The following PIK3C2G variants were observed in gnomAD, a reference collection of about 807,000 sequenced individuals.
PIK3C2G encodes phosphatidylinositol-4-phosphate 3-kinase catalytic subunit type 2 gamma.
In PIK3C2G, 168 loss-of-function variants were observed where a neutral mutation model predicts 181.1. The ratio of observed to expected loss-of-function variants is 0.93; its 90% CI spans 0.82 to 1.05. The LOEUF is 1.05. Ranked by LOEUF, PIK3C2G falls within the 50% of genes least tolerant of loss-of-function variation. The pLI, the probability that PIK3C2G is intolerant of heterozygous loss-of-function variation, is 0.00. For missense variants in PIK3C2G, 1,869 were observed against 1,732.8 expected (o/e 1.08, Z -1.40); for synonymous variants, 573 against 592.2 (o/e 0.97, Z 0.47).
intron 12 of PIK3C2G, among the ~76,000 whole-genome samples, chr12:18,366,792 T>C: frequency 6.6e-6 from 1 of 151,996 alleles, no homozygotes; most frequent in East Asian, 1.9e-4. Context: ...TATTTTTTTT[T>C]CCTTTTTTGT....
intron 18 of PIK3C2G, among the ~76,000 whole-genome samples, chr12:18,442,442 A>C (rs769998128): frequency 2.0e-5 from 3 of 152,242 alleles, no homozygotes; most frequent in Non-Finnish European, 4.4e-5. Context: ...CAATAATGGC[A>C]TGATAATTAC....
chr12:18,626,940 C>G (rs1565576988), intron 31 of PIK3C2G, among the ~76,000 whole-genome samples: 1 of 152,128 alleles, frequency 6.6e-6, no homozygotes, highest in East Asian at 1.9e-4. Context: ...GGGAACTTAT[C>G]ATCCATTATT....
chr12:18,345,576 C>A (rs1022524282), intron 10 of PIK3C2G, among the ~76,000 whole-genome samples: 7 of 152,136 alleles, frequency 4.6e-5, no homozygotes, highest in African/African-American at 1.7e-4. Context: ...CCTGAAGCAT[C>A]CAACTGCCTG....
chr12:18,325,157 T>C, intron 8 of PIK3C2G, 59 bp downstream of exon 8: 1 of 966,744 alleles, frequency 1.0e-6, no homozygotes, highest in Non-Finnish European at 1.6e-6. Flanking sequence ...GCATCTACTA[T>C]TTTTCTAAAA....
chr12:18,262,406 C>T (rs1477288960), intron 1 of PIK3C2G, among the ~76,000 whole-genome samples: 1 of 152,114 alleles, frequency 6.6e-6, no homozygotes, highest in East Asian at 1.9e-4. Flanking sequence ...GGTTAAAGAA[C>T]ACATACCCCT....
chr12:18,473,908 T>C (rs1004226275), intron 18 of PIK3C2G, among the ~76,000 whole-genome samples: 3 of 152,186 alleles, frequency 2.0e-5, no homozygotes, highest in Admixed American at 1.3e-4. Context: ...AAAAACAGTA[T>C]AAAATAAGTA....
chr12:18,696,621 T>G, the PIK3C2G span, among the ~76,000 whole-genome samples: 2 of 152,012 alleles, frequency 1.3e-5, no homozygotes, highest in Admixed American at 1.3e-4. Context: ...CATTCATTTT[T>G]CAAAACAAAA....
chr12:18,400,483 A>T (rs988503056), intron 16 of PIK3C2G, among the ~76,000 whole-genome samples: 1 of 152,174 alleles, frequency 6.6e-6, no homozygotes. Context: ...TTGTCCTGAT[A>T]GCATCAGCTC....
rs368922571 is a variant in PIK3C2G at position 18,488,409 on chromosome 12, G to A, written c.2505-40G>A. 9.5e-4 allele frequency: 1,315 copies of A among 1,380,976 alleles called. 32 individuals are homozygous for A. The South Asian group carries it at 0.02, about 21-fold the overall frequency. The allele number at this position is 1,380,976 out of a possible 1,614,324, so 85.5% of individuals were successfully genotyped here. A position where few individuals can be genotyped will look rare whatever the true frequency, so the allele number is the denominator to read the frequency against. On this transcript the variant is annotated intron_variant, in intron 18 of 32. Transcript: ENST00000538779. ...CGGCTGGATGTGGTTTAAAAAATTA[G>A]CTTTACATACAAGAATTTTTTTCTC...
the PIK3C2G span, among the ~76,000 whole-genome samples, chr12:18,724,305 C>T: frequency 2.2e-4 from 33 of 151,706 alleles, no homozygotes; most frequent in African/African-American, 7.0e-4. Flanking sequence ...CAGAAGAATT[C>T]GACACAATGA....
rs563129366 is a variant in PIK3C2G, at chr12:18,300,624, T to C, written c.1034+6609T>C. 1.3e-5 allele frequency among the ~76,000 whole-genome samples: 2 copies of C among 152,252 alleles called. 1 individual carries two copies. The highest frequency in any genetic ancestry group is 4.8e-5 in the African/African-American group (2 of 41,560). ...AATTTCTTTATATTCAAGGTTATAA[T>C]TGATAGGTGAGGACTTATTCCTGTC... On this transcript the variant is annotated intron_variant, in intron 5 of 32. Coordinates refer to ENST00000538779, the MANE Select transcript of PIK3C2G (RefSeq NM_001288772.2).
chr12:18,536,254 A>G (rs1943847797), intron 24 of PIK3C2G, among the ~76,000 whole-genome samples: 1 of 152,092 alleles, frequency 6.6e-6, no homozygotes, highest in Admixed American at 6.6e-5. Flanking sequence ...ATTTAGTGAT[A>G]ACAAGGTTCA....
In PIK3C2G at chr12:18,286,839, A is replaced by G. The variant is rs770301050; in HGVS notation, c.679-8A>G. On this transcript the variant is annotated splice_polypyrimidine_tract_variant and splice_region_variant and intron_variant, in intron 2 of 32. Transcript: ENST00000538779. ...AAATTATATTAATTTAGTAGATTTT[A>G]TTTTAAGTCAATAGGTTGTTCCATT... 1.8e-5 allele frequency: 25 copies of G among 1,419,568 alleles called. No individual in the cohort carries two copies. The African/African-American group carries it at 3.6e-4, about 21-fold the overall frequency. The allele number at this position is 1,419,568 out of a possible 1,614,324, so 87.9% of individuals were successfully genotyped here. A position where few individuals can be genotyped will look rare whatever the true frequency, so the allele number is the denominator to read the frequency against.
chr12:18,647,985 T>G lies in PIK3C2G; in HGVS notation c.4418T>G (p.Leu1473Arg). Residue 1473 changes from leucine to arginine, a missense_variant, in exon 33 of 33, where the codon CTC (leucine) becomes CGC (arginine). Leu to Arg is a moderately radical substitution (Grantham distance 102, BLOSUM62 -2). Transcript: ENST00000538779. ...AACATCCGACTCTGTAGTGTCCCAC[T>G]CGATAAAGAAAAATGGTATCCATTA... ...AINIRLCSVP[L>R]DKEKWYPLGN... 1 of 1,597,872 alleles carries G rather than the reference T, an allele frequency of 6.3e-7. No homozygotes were observed. Among genetic ancestry groups the G allele is most frequent in the Non-Finnish European group, 8.5e-7 (1 of 1,170,734 alleles).
chr12:18,371,146 G>T, intron 12 of PIK3C2G, 34 bp from the exon 13 acceptor site: 1 of 1,548,448 alleles, frequency 6.5e-7, no homozygotes, highest in South Asian at 1.2e-5. Context: ...AGTACAATTG[G>T]GTAGGTAATG....
chr12:18,540,362 A>G (rs900426239), intron 25 of PIK3C2G, among the ~76,000 whole-genome samples: 1 of 151,954 alleles, frequency 6.6e-6, no homozygotes, highest in Non-Finnish European at 1.5e-5. Flanking sequence ...AACCCAAAAC[A>G]GAAAAGCACA....
intron 26 of PIK3C2G, among the ~76,000 whole-genome samples, chr12:18,546,649 C>A (rs901256221): frequency 2.6e-5 from 4 of 151,988 alleles, no homozygotes; most frequent in Non-Finnish European, 5.9e-5. Context: ...TGTTTGCTAA[C>A]CAGCCTCTTC....
chr12:18,284,925 G>A (rs1489694903), intron 2 of PIK3C2G, among the ~76,000 whole-genome samples: 3 of 152,068 alleles, frequency 2.0e-5, no homozygotes, highest in Non-Finnish European at 2.9e-5. Context: ...ATGCTAACAG[G>A]AGGAAAGAAA....
chr12:18,674,699 G>C, the PIK3C2G span, among the ~76,000 whole-genome samples: 1 of 152,132 alleles, frequency 6.6e-6, no homozygotes, highest in Admixed American at 6.6e-5. Flanking sequence ...ATGTTCCACT[G>C]CTTGAAGCTA....
Sources: allele counts gnomAD v4.1 joint callset (sites outside exome capture counted in the v4.1 genomes callset), GRCh38; gene constraint gnomAD v4.1.1; transcripts MANE v1.5; gene names NCBI Gene and HGNC (gene_info 2026-07-23, HGNC 2026-07-21).